DGKG: variants seen among roughly 807,000 people sequenced by gnomAD.
The protein encoded by DGKG is diacylglycerol kinase gamma.
Under a neutral mutation model 105.3 loss-of-function variants are expected in DGKG, and 78 were observed. That is an observed-to-expected ratio of 0.74 (90% CI 0.62 to 0.89). DGKG has a LOEUF of 0.89. Ranked by LOEUF, DGKG falls within the 40% of genes least tolerant of loss-of-function variation. The pLI is 0.00. For synonymous variants in DGKG, 346 were observed against 367.1 expected (o/e 0.94, Z 0.66); for missense variants, 958 against 1,020.1 (o/e 0.94, Z 0.83).
Position 186,273,367 on chromosome 3 carries a change from C to CCTTTTTTTTTTTT in DGKG, c.911-1025_911-1024insAAAAAAAAAAAAG, listed in dbSNP as rs1553811123. ...TGGCGCTGGGGAGACTGTTGTACCC[C>CCTTTTTTTTTTTT]TTTTTTTTTTTTTTTTTTTTTTTTT... On this transcript the variant is annotated intron_variant, in intron 10 of 24. Transcript: ENST00000265022. 7.0e-5 allele frequency among the ~76,000 whole-genome samples: 6 copies of CCTTTTTTTTTTTT among 85,598 alleles called. 2 individuals are homozygous for CCTTTTTTTTTTTT. The highest frequency in any genetic ancestry group is 2.0e-4 in the African/African-American group (5 of 25,318). 56.2% of individuals were successfully genotyped at this position (85,598 alleles called of 152,430 possible).
intron 22 of DGKG, among the ~76,000 whole-genome samples, chr3:186,170,442 C>T (rs1348078186): frequency 6.6e-6 from 1 of 152,138 alleles, no homozygotes; most frequent in African/African-American, 2.4e-5. Context: ...AGTTTGGGCC[C>T]AGCAGTCTGT....
chr3:186,147,799 C>T lies in DGKG; in HGVS notation c.*2291G>A. The T allele has an allele frequency of 1.0e-6, 1 of 985,366 alleles. No individual in the cohort carries two copies. The highest frequency in any genetic ancestry group is 1.2e-6 in the Non-Finnish European group (1 of 829,926). 61.0% of individuals were successfully genotyped at this position (985,366 alleles called of 1,614,324 possible). A position where few individuals can be genotyped will look rare whatever the true frequency, so the allele number is the denominator to read the frequency against. ...TGTAAATGTCTTAGAATCAGTGACC[C>T]CAAACCTGAACCTGCCTCAGTTTCA... On this transcript the variant is annotated 3_prime_UTR_variant, in exon 25 of 25. Transcript: ENST00000265022.
At chr3:186,217,593 A>G (rs1357765993) in intron 20 of DGKG, among the ~76,000 whole-genome samples, 1 of 152,234 alleles carries the variant, frequency 6.6e-6, no homozygotes, top group African/African-American at 2.4e-5. Context: ...ATGAGAGAAA[A>G]AATGAGACTA....
At chr3:186,157,549 T>C (rs1716093357) in intron 24 of DGKG, among the ~76,000 whole-genome samples, 1 of 152,210 alleles carries the variant, frequency 6.6e-6, no homozygotes, top group African/African-American at 2.4e-5. Context: ...TTCCTAGTAG[T>C]ATGGAAGATC....
intron 3 of DGKG, among the ~76,000 whole-genome samples, chr3:186,302,531 T>TAC (rs1400633439): frequency 8.4e-4 from 32 of 38,008 alleles, no homozygotes; most frequent in Admixed American, 3.6e-3. Context: ...TATATATATA[T>TAC]ACATATGTAT....
At chr3:186,297,926 G>T in intron 4 of DGKG, 138 bp downstream of exon 4, 1 of 958,828 alleles carries the variant, frequency 1.0e-6, no homozygotes, top group East Asian at 2.6e-5. Context: ...GAGGAAAGGC[G>T]TCCCTGTCCC....
At chr3:186,303,332 T>C (rs1724066335) in intron 3 of DGKG, among the ~76,000 whole-genome samples, 1 of 152,174 alleles carries the variant, frequency 6.6e-6, no homozygotes, top group Non-Finnish European at 1.5e-5. Context: ...CTCTGAGACC[T>C]GGACTAACAT....
At position 186,352,895 on chromosome 3, in the gene DGKG, C is replaced by T. The variant is rs1726702354; in HGVS notation, c.-249+9051G>A. On this transcript the variant is annotated intron_variant, in intron 1 of 24. Transcript: ENST00000265022. ...CCACTTATGAGTTCTCAGTGCCCCT[C>T]CCCTCATCACTAGCTACAAGAAAAA... Among the ~76,000 whole-genome samples, 4 of 152,060 alleles carry T rather than the reference C, an allele frequency of 2.6e-5. No individual in the cohort carries two copies. In the South Asian group the frequency reaches 8.3e-4, roughly 32 times the overall value.
intron 1 of DGKG, among the ~76,000 whole-genome samples, chr3:186,341,571 G>A (rs73182206): frequency 0.012 from 1,839 of 152,192 alleles, 16 homozygotes; most frequent in Non-Finnish European, 0.018. Flanking sequence ...GACAAGAGAG[G>A]GAAGGTACCT....
At chr3:186,297,606 G>A (rs1442207074) in intron 4 of DGKG, 123 bp from the exon 5 acceptor site, 5 of 714,908 alleles carry the variant, frequency 7.0e-6, no homozygotes, top group African/African-American at 3.5e-5. Flanking sequence ...GGGGTTATGT[G>A]TCAGCTGGGT....
intron 16 of DGKG, among the ~76,000 whole-genome samples, chr3:186,259,370 A>G (rs189168053): frequency 1.1e-3 from 172 of 152,330 alleles, no homozygotes; most frequent in Non-Finnish European, 1.9e-3. Flanking sequence ...AGTGATGGCA[A>G]TCACGGTGAC....
chr3:186,314,078 A>G (rs1724688055), intron 2 of DGKG, among the ~76,000 whole-genome samples: 1 of 152,224 alleles, frequency 6.6e-6, no homozygotes, highest in East Asian at 1.9e-4. Context: ...ATTCGAAAGA[A>G]ATATATTTCC....
At chr3:186,262,230 C>T (rs1205980444) in intron 14 of DGKG, among the ~76,000 whole-genome samples, 1 of 152,168 alleles carries the variant, frequency 6.6e-6, no homozygotes, top group Non-Finnish European at 1.5e-5. Flanking sequence ...CTCCTGAACC[C>T]TGGTCCCACA....
At position 186,320,559 on chromosome 3, in the gene DGKG, G is replaced by A. The variant is rs1325678620; in HGVS notation, c.-100C>T. ...AGGGCCTGGCTCATTGCAGGTTTGCGATGTAAGCCTTTCAGGAGACTTCTG... is the reference window on the plus strand; with the variant it reads ...AGGGCCTGGCTCATTGCAGGTTTGCAATGTAAGCCTTTCAGGAGACTTCTG... On this transcript the variant is annotated 5_prime_UTR_variant, in exon 2 of 25. Transcript: ENST00000265022. The A allele has an allele frequency of 2.5e-6, 4 of 1,593,824 alleles. No individual in the cohort carries two copies. Among genetic ancestry groups the A allele is most frequent in the East Asian group, 2.2e-5 (1 of 44,460 alleles).
rs1484480085 is a variant in DGKG at position 186,284,030 on chromosome 3, G to A, written c.594+630C>T. Reference sequence around the variant, plus strand: ...CTTTCCATTCTTCCTTTTACTCCACGAGCCTTGATCGATCCTTGCCTGTTC... The same window carrying A: ...CTTTCCATTCTTCCTTTTACTCCACAAGCCTTGATCGATCCTTGCCTGTTC... On this transcript the variant is annotated intron_variant, in intron 7 of 24. Transcript: ENST00000265022. The surrounding 1 kb of genome is among the most constrained non-coding windows in gnomAD (Gnocchi z 4.0). Among the ~76,000 whole-genome samples the A allele has an allele frequency of 6.6e-6, 1 of 152,078 alleles. No individual in the cohort carries two copies. The highest frequency in any genetic ancestry group is 1.9e-4 in the East Asian group (1 of 5,188).
Position 186,154,781 on chromosome 3 carries a change from A to G in DGKG, c.2278-4593T>C, listed in dbSNP as rs1284049283. 2.6e-5 allele frequency among the ~76,000 whole-genome samples: 4 copies of G among 152,150 alleles called. No individual in the cohort carries two copies. The East Asian group carries it at 7.7e-4, about 29-fold the overall frequency. On this transcript the variant is annotated intron_variant, in intron 24 of 24. Transcript: ENST00000265022. Reference sequence around the variant, plus strand: ...GTTCAACTACGTCATTAGTTCTCAAAGTGTGGCTCATAGGCCAGCAGCATC... The same window carrying G: ...GTTCAACTACGTCATTAGTTCTCAAGGTGTGGCTCATAGGCCAGCAGCATC...
chr3:186,180,627 A>T (rs1459157238), intron 22 of DGKG, among the ~76,000 whole-genome samples: 1 of 152,112 alleles, frequency 6.6e-6, no homozygotes, highest in Non-Finnish European at 1.5e-5. Flanking sequence ...TCTCCACTGA[A>T]TGGGAAAATT....
chr3:186,163,740 A>G (rs1716408040), intron 23 of DGKG, among the ~76,000 whole-genome samples: 1 of 151,604 alleles, frequency 6.6e-6, no homozygotes, highest in Admixed American at 6.6e-5. Context: ...TCCTCCTTAT[A>G]CATGGCTTTC....
intron 21 of DGKG, among the ~76,000 whole-genome samples, chr3:186,195,533 A>C (rs1273151981): frequency 6.6e-6 from 1 of 152,006 alleles, no homozygotes. Flanking sequence ...GAAATGGGTC[A>C]TTTGTCCTTA....
Sources: gnomAD v4.1 joint callset for allele counts (sites outside exome capture counted in the v4.1 genomes callset) on GRCh38, gnomAD v4.1.1 for gene constraint, Gnocchi (gnomAD v3.1) non-coding constraint, MANE v1.5 for transcripts, NCBI Gene and HGNC (gene_info 2026-07-23, HGNC 2026-07-21) for gene names.